Variants in PHLPP1 observed in about 807,000 individuals in gnomAD.
PHLPP1 encodes PH domain and leucine rich repeat protein phosphatase 1, also known as PH domain leucine-rich repeat-containing protein phosphatase 1.
In PHLPP1, 42 loss-of-function variants were observed where a neutral mutation model predicts 117.2. The observed-to-expected ratio is 0.36, with a 90% CI of 0.28 to 0.46. PHLPP1 has a LOEUF of 0.46. PHLPP1 is among the 20% of genes least tolerant of loss of function. The pLI is 1.00. For missense variants in PHLPP1, 2,084 were observed against 2,241.9 expected, an observed-to-expected ratio of 0.93 and a Z score of 1.42; for synonymous variants, 1,042 against 970.7, an observed-to-expected ratio of 1.07 and a Z score of -1.37.
chr18:62,865,593 A>T (rs1320491111), intron 4 of PHLPP1, among the ~76,000 whole-genome samples: 1 of 152,222 alleles, frequency 6.6e-6, no homozygotes, highest in Non-Finnish European at 1.5e-5. Context: ...CTGATGTCTT[A>T]GAACAGAATG....
chr18:62,941,741 C>A lies in PHLPP1; in HGVS notation c.2984C>A (p.Ala995Glu). Residue 995 changes from alanine to glutamate, a missense_variant, in exon 11 of 17, where the codon GCG becomes GAG. By Grantham distance (107) the Ala-to-Glu change is moderately radical (BLOSUM62 -1). This residue lies in a region of PHLPP1 where 1,365 missense variants were observed against 1,605.9 expected (regional missense o/e 0.85). Coordinates refer to ENST00000262719, the MANE Select transcript of PHLPP1 (RefSeq NM_194449.4). ...ADSLRFLNAS[A>E]NKLESLPPAT... The stretch of plus-strand genomic sequence containing the variant: ...AGCCTGAGATTCCTGAACGCCTCTG[C>A]GAACAAACTGGAAAGCCTTCCTCCA... The A allele has an allele frequency of 6.2e-7, 1 of 1,612,998 alleles. No homozygotes were observed. Among genetic ancestry groups the A allele is most frequent in the Non-Finnish European group, 8.5e-7 (1 of 1,179,288 alleles).
intron 4 of PHLPP1, among the ~76,000 whole-genome samples, chr18:62,875,456 G>T (rs1916023576): frequency 6.6e-6 from 1 of 152,024 alleles, no homozygotes; most frequent in South Asian, 2.1e-4. Flanking sequence ...TGACTCATGG[G>T]AATAGCAGTA....
At chr18:62,886,665 CTG>C (rs370770879) in intron 4 of PHLPP1, among the ~76,000 whole-genome samples, 133 of 152,302 alleles carry the variant, frequency 8.7e-4, no homozygotes, top group African/African-American at 3.2e-3. Flanking sequence ...TTTTCTGTCT[CTG>C]TAGATTATCA....
intron 3 of PHLPP1, 130 bp downstream of exon 3, chr18:62,839,039 A>G (rs559140584): frequency 1.7e-5 from 16 of 937,602 alleles, no homozygotes; most frequent in African/African-American, 4.9e-5. Flanking sequence ...ACTGCCAGTG[A>G]TTAGCAATTT....
chr18:62,872,644 A>G (rs144299174), intron 4 of PHLPP1, among the ~76,000 whole-genome samples: 2 of 151,982 alleles, frequency 1.3e-5, no homozygotes, highest in East Asian at 3.9e-4. Context: ...GTGAGCAGAG[A>G]TCGCGCCACT....
chr18:62,740,026 A>C (rs2122072226), intron 1 of PHLPP1, among the ~76,000 whole-genome samples: 1 of 152,236 alleles, frequency 6.6e-6, no homozygotes, highest in African/African-American at 2.4e-5. Flanking sequence ...GGGACAAAGG[A>C]GAGGTGGAGG....
intron 3 of PHLPP1, among the ~76,000 whole-genome samples, chr18:62,848,997 T>C (rs1016763050): frequency 6.6e-6 from 1 of 152,228 alleles, no homozygotes; most frequent in African/African-American, 2.4e-5. Context: ...TAAAGTACTT[T>C]ATATACAGAG....
chr18:62,735,831 T>TA (rs1239320891), intron 1 of PHLPP1, among the ~76,000 whole-genome samples: 7 of 152,172 alleles, frequency 4.6e-5, no homozygotes, highest in Non-Finnish European at 7.3e-5. Context: ...TGTAGACAGT[T>TA]ACTAAATCAG....
chr18:62,974,817 C>A (rs1599149265), intron 15 of PHLPP1, among the ~76,000 whole-genome samples: 1 of 152,058 alleles, frequency 6.6e-6, no homozygotes, highest in African/African-American at 2.4e-5. Context: ...ATAGATGGTG[C>A]TGGTCCAGAA....
intron 1 of PHLPP1, among the ~76,000 whole-genome samples, chr18:62,722,274 A>T (rs1482521806): frequency 6.6e-6 from 1 of 152,188 alleles, no homozygotes; most frequent in East Asian, 1.9e-4. Context: ...ATTTAATGAG[A>T]CATCTGTCAA....
intron 4 of PHLPP1, among the ~76,000 whole-genome samples, chr18:62,890,120 A>C (rs1189712487): frequency 2.0e-5 from 3 of 152,154 alleles, no homozygotes; most frequent in African/African-American, 7.2e-5. Context: ...TAGCTGATGC[A>C]GAGAATGGTT....
chr18:62,742,660 T>C (rs1216945407), intron 1 of PHLPP1, among the ~76,000 whole-genome samples: 1 of 152,220 alleles, frequency 6.6e-6, no homozygotes, highest in Non-Finnish European at 1.5e-5. Context: ...GGTCTTGAAT[T>C]CCTGACCTTG....
intron 1 of PHLPP1, among the ~76,000 whole-genome samples, chr18:62,737,311 A>G (rs563073088): frequency 2.0e-5 from 3 of 152,300 alleles, no homozygotes; most frequent in African/African-American, 7.2e-5. Context: ...GAAAAGTGGT[A>G]GGAGATGAGA....
At chr18:62,871,929 G>A (rs1247227629) in intron 4 of PHLPP1, among the ~76,000 whole-genome samples, 1 of 152,132 alleles carries the variant, frequency 6.6e-6, no homozygotes, top group Non-Finnish European at 1.5e-5. Context: ...ATAGGCATGA[G>A]CCACTGCACC....
chr18:62,966,873 G>T (rs971885628), intron 14 of PHLPP1, among the ~76,000 whole-genome samples: 1 of 152,098 alleles, frequency 6.6e-6, no homozygotes, highest in Admixed American at 6.5e-5. Flanking sequence ...ATTTTTGTCA[G>T]TTCTTCTCCC....
chr18:62,766,071 A>AT (rs1469345997), intron 1 of PHLPP1, among the ~76,000 whole-genome samples: 1 of 56,908 alleles, frequency 1.8e-5, no homozygotes, highest in Non-Finnish European at 3.8e-5. Context: ...AAAAAAAAAA[A>AT]AAAAAATATA....
At chr18:62,801,488 C>T (rs1286815315) in intron 1 of PHLPP1, among the ~76,000 whole-genome samples, 2 of 150,804 alleles carry the variant, frequency 1.3e-5, no homozygotes, top group Non-Finnish European at 3.0e-5. Context: ...TCTGTCCGTC[C>T]GTCGCCCAGG....
At chr18:62,966,383 TTTTC>T (rs1490385506) in intron 14 of PHLPP1, among the ~76,000 whole-genome samples, 1 of 151,838 alleles carries the variant, frequency 6.6e-6, no homozygotes, top group Non-Finnish European at 1.5e-5. Flanking sequence ...CTTAATAATT[TTTTC>T]TTTTTATTAA....
intron 1 of PHLPP1, among the ~76,000 whole-genome samples, chr18:62,736,646 T>TTC (rs1911377930): frequency 6.6e-6 from 1 of 152,202 alleles, no homozygotes; most frequent in Admixed American, 6.5e-5. Context: ...GTGTCCTCTG[T>TTC]TCTTGGTATT....
Sources: gnomAD v4.1 joint callset for allele counts (sites outside exome capture counted in the v4.1 genomes callset) on GRCh38, gnomAD v4.1.1 for gene constraint, gnomAD v4.1.1 regional missense constraint, MANE v1.5 for transcripts, NCBI Gene and HGNC (gene_info 2026-07-23, HGNC 2026-07-21) for gene names.